The following TRAPPC9 variants were observed in gnomAD, a reference collection of about 807,000 sequenced individuals.
TRAPPC9 encodes trafficking protein particle complex subunit 9.
TRAPPC9 carries 83 observed loss-of-function variants against 124.0 expected under a neutral mutation model. The observed-to-expected ratio is 0.67, with a 90% CI of 0.56 to 0.80. The LOEUF is 0.80. Ranked by LOEUF, TRAPPC9 falls within the 30% of genes least tolerant of loss-of-function variation. The probability of loss-of-function intolerance (pLI) is 0.00; values close to 1 mark genes in which losing one functional copy is unlikely to be tolerated. For missense variants in TRAPPC9, 1,302 were observed against 1,508.3 expected (o/e 0.86, Z 2.27); for synonymous variants, 638 against 617.5 (o/e 1.03, Z -0.49).
At chr8:140,281,304 T>C (rs1385923955) in intron 14 of TRAPPC9, among the ~76,000 whole-genome samples, 4 of 152,210 alleles carry the variant, frequency 2.6e-5, no homozygotes, top group Non-Finnish European at 5.9e-5. Context: ...CCTGCTATGG[T>C]GAGCCCTGTG....
chr8:140,443,401 A>C (rs905716957), intron 2 of TRAPPC9, among the ~76,000 whole-genome samples: 2 of 151,274 alleles, frequency 1.3e-5, no homozygotes, highest in Admixed American at 1.3e-4. Context: ...GCGCCACTGC[A>C]CTCCAGCGTG....
At position 140,004,146 on chromosome 8, in the gene TRAPPC9, T is replaced by C. The variant is rs1343217812; in HGVS notation, c.2700-15310A>G. The stretch of plus-strand genomic sequence containing the variant: ...AAGACATTCTGGAAAAACCAGACTA[T>C]AGAGATGGAGAATAGATCAGTGTTG... On this transcript the variant is annotated intron_variant, in intron 18 of 22. Coordinates refer to ENST00000438773, the MANE Select transcript of TRAPPC9 (RefSeq NM_001160372.4). Among the ~76,000 whole-genome samples, 5 of 152,072 alleles carry C rather than the reference T, an allele frequency of 3.3e-5. No homozygotes were observed. In the South Asian group the frequency reaches 1.0e-3, roughly 32 times the overall value.
chr8:139,745,953 G>A lies in TRAPPC9; in HGVS notation c.3056-13751C>T, dbSNP rs1228593555. On this transcript the variant is annotated intron_variant, in intron 21 of 22. Transcript: ENST00000438773. ...TCTCAGTGACATTCCGAGAGGCATC[G>A]TCCTGCTCACTTGATGGACAAGCCT... 2.0e-5 allele frequency among the ~76,000 whole-genome samples: 3 copies of A among 152,240 alleles called. No individual in the cohort carries two copies. In the South Asian group the frequency reaches 6.2e-4, roughly 32 times the overall value.
chr8:139,747,688 G>C (rs1329594380), intron 21 of TRAPPC9, among the ~76,000 whole-genome samples: 3 of 60,054 alleles, frequency 5.0e-5, no homozygotes, highest in Admixed American at 4.8e-4. Context: ...AGGGGTCAGA[G>C]TGGGTGTGGG....
intron 21 of TRAPPC9, among the ~76,000 whole-genome samples, chr8:139,746,105 C>T (rs959926027): frequency 2.0e-5 from 3 of 152,258 alleles, no homozygotes; most frequent in Admixed American, 6.5e-5. Context: ...GTGCCCCTTG[C>T]CCTCTGTGCT....
At chr8:140,283,760 A>G (rs1045599785) in intron 14 of TRAPPC9, 129 bp downstream of exon 14, 1 of 976,708 alleles carries the variant, frequency 1.0e-6, no homozygotes, top group Non-Finnish European at 1.6e-6. Flanking sequence ...TGCTTATCTT[A>G]CAGAAATCCT....
chr8:140,267,106 A>G (rs981142594), intron 15 of TRAPPC9, among the ~76,000 whole-genome samples: 4 of 152,188 alleles, frequency 2.6e-5, no homozygotes, highest in Admixed American at 1.3e-4. Context: ...AAAGCAAGAA[A>G]CTTCTTTATC....
chr8:140,155,260 C>G (rs2061608810), intron 17 of TRAPPC9, among the ~76,000 whole-genome samples: 1 of 152,196 alleles, frequency 6.6e-6, no homozygotes, highest in African/African-American at 2.4e-5. Flanking sequence ...TCCAGACTCC[C>G]TCGCCTCAGG....
intron 15 of TRAPPC9, among the ~76,000 whole-genome samples, chr8:140,254,717 G>T (rs2064206701): frequency 6.6e-6 from 1 of 152,194 alleles, no homozygotes; most frequent in Admixed American, 6.5e-5. Context: ...CTGGGAACCA[G>T]TTTTTTATGC....
chr8:139,857,527 C>T (rs766023843), intron 21 of TRAPPC9, among the ~76,000 whole-genome samples: 2 of 152,192 alleles, frequency 1.3e-5, no homozygotes, highest in African/African-American at 2.4e-5. Flanking sequence ...ACACCAAGTC[C>T]AAGGCCCGTT....
At chr8:139,980,039 TC>T (rs1836782971) in intron 19 of TRAPPC9, among the ~76,000 whole-genome samples, 1 of 99,984 alleles carries the variant, frequency 1.0e-5, no homozygotes, top group Admixed American at 9.8e-5. Flanking sequence ...TGTCTACGAT[TC>T]CTGCAGGTAC....
Position 140,353,327 on chromosome 8 carries a change from T to C in TRAPPC9, c.1495+6723A>G, listed in dbSNP as rs1028638791. On this transcript the variant is annotated intron_variant, in intron 9 of 22. Coordinates refer to ENST00000438773, the MANE Select transcript of TRAPPC9 (RefSeq NM_001160372.4). The surrounding 1 kb of genome is among the most constrained non-coding windows in gnomAD (Gnocchi z 4.2). ...TCCCATCTCATGGGACCCCCCCCTT[T>C]CGTCACTCCTCAGTCTTTTCACAGT... is the stretch of plus-strand genomic sequence containing the variant. Among the ~76,000 whole-genome samples the C allele has an allele frequency of 6.6e-5, 10 of 151,254 alleles. No individual in the cohort carries two copies. Among genetic ancestry groups the C allele is most frequent in the African/African-American group, 2.4e-4 (10 of 41,212 alleles).
At position 140,335,541 on chromosome 8, in the gene TRAPPC9, C is replaced by A. The variant is rs1251191099; in HGVS notation, c.1496-24167G>T. Among the ~76,000 whole-genome samples, 4 of 152,064 alleles carry A rather than the reference C, an allele frequency of 2.6e-5. No individual in the cohort carries two copies. The East Asian group carries it at 7.7e-4, about 29-fold the overall frequency. ...AATTCAGCTGAGGATATGGTAACCG[C>A]AGGATCCTATGAGACATTCAGGAGA... On this transcript the variant is annotated intron_variant, in intron 9 of 22. Transcript: ENST00000438773.
At chr8:139,930,882 C>G (rs946721114) in intron 19 of TRAPPC9, among the ~76,000 whole-genome samples, 1 of 152,264 alleles carries the variant, frequency 6.6e-6, no homozygotes, top group Non-Finnish European at 1.5e-5. Flanking sequence ...GTTGAGTGCT[C>G]AGTGTACGCT....
At chr8:139,891,988 G>A (rs1830380884) in intron 20 of TRAPPC9, among the ~76,000 whole-genome samples, 1 of 152,224 alleles carries the variant, frequency 6.6e-6, no homozygotes, top group Non-Finnish European at 1.5e-5. Flanking sequence ...CACTGCCAAA[G>A]GCCTCCAAGT....
At chr8:139,864,158 T>C (rs909470458) in intron 21 of TRAPPC9, among the ~76,000 whole-genome samples, 3 of 152,202 alleles carry the variant, frequency 2.0e-5, no homozygotes, top group African/African-American at 7.2e-5. Context: ...TCCTGTGCTG[T>C]CCTTGGATGA....
At chr8:139,855,915 A>T (rs930223285) in intron 21 of TRAPPC9, among the ~76,000 whole-genome samples, 3 of 152,246 alleles carry the variant, frequency 2.0e-5, no homozygotes, top group African/African-American at 7.2e-5. Context: ...ACTAGGGGGC[A>T]GTGAGGCCTG....
intron 4 of TRAPPC9, among the ~76,000 whole-genome samples, chr8:140,427,379 T>TCA (rs60720377): frequency 0.058 from 8,620 of 148,468 alleles, 360 homozygotes; most frequent in African/African-American, 0.12. Flanking sequence ...TATCTCTCTC[T>TCA]CACACACACA....
chr8:140,260,646 A>G (rs1486694650), intron 15 of TRAPPC9, among the ~76,000 whole-genome samples: 4 of 152,244 alleles, frequency 2.6e-5, no homozygotes, highest in South Asian at 2.1e-4. Flanking sequence ...ACACAAGACA[A>G]TAACTGAAAC....
Sources: gnomAD v4.1 joint callset for allele counts (sites outside exome capture counted in the v4.1 genomes callset) on GRCh38, gnomAD v4.1.1 for gene constraint, Gnocchi (gnomAD v3.1) non-coding constraint, MANE v1.5 for transcripts, NCBI Gene and HGNC (gene_info 2026-07-23, HGNC 2026-07-21) for gene names.